Variants in ESR1 observed in about 807,000 individuals in gnomAD.
ESR1 encodes estrogen receptor 1, also known as estrogen receptor.
Under a neutral mutation model 52.7 loss-of-function variants are expected in ESR1, and 12 were observed. The observed-to-expected ratio is 0.23, with a 90% CI of 0.15 to 0.37. The LOEUF (loss-of-function observed/expected upper bound fraction) is 0.37. Among genes scored for constraint, ESR1 ranks in the 10% least tolerant of loss-of-function variants. The pLI is 1.00. For missense variants in ESR1, 584 were observed against 779.7 expected (o/e 0.75, Z 2.99); for synonymous variants, 305 against 316.8 (o/e 0.96, Z 0.39).
At chr6:151,708,407 T>C (rs765039890) in intron 2 of ESR1, among the ~76,000 whole-genome samples, 2 of 152,146 alleles carry the variant, frequency 1.3e-5, no homozygotes, top group Non-Finnish European at 2.9e-5. Context: ...TTCTTAGTAA[T>C]TGGGGGTTTT....
intron 3 of ESR1, among the ~76,000 whole-genome samples, chr6:151,912,519 G>T (rs979541996): frequency 6.6e-6 from 1 of 152,090 alleles, no homozygotes; most frequent in Non-Finnish European, 1.5e-5. Flanking sequence ...TAGCCTCAAG[G>T]TTTCTAATCC....
rs187577544 is a variant in ESR1, at chr6:151,924,682, G to A, written c.761-19491G>A. ...ATCTCTCACTTAAAAGTGAGAACAT[G>A]CAGTATTTGGTTTTCCACTCCTGCA... On this transcript the variant is annotated intron_variant, in intron 3 of 7. Transcript: ENST00000206249. Among the ~76,000 whole-genome samples the A allele has an allele frequency of 3.0e-4, 46 of 152,254 alleles. No individual in the cohort carries two copies. In the East Asian group the frequency reaches 7.5e-3, roughly 25 times the overall value.
Position 152,040,128 on chromosome 6 carries a change from G to A in ESR1, c.1236-20863G>A, listed in dbSNP as rs191167586. Among the ~76,000 whole-genome samples the A allele has an allele frequency of 2.1e-4, 32 of 152,256 alleles. No homozygotes were observed. In the East Asian group the frequency reaches 5.4e-3, roughly 26 times the overall value. ...CACCAAGTAGCTGGCTGATCACCCC[G>A]AGGAATGGTGCCATATCGCGGCCTC... On this transcript the variant is annotated intron_variant, in intron 5 of 7. Coordinates refer to ENST00000206249, the MANE Select transcript of ESR1 (RefSeq NM_000125.4).
intron 5 of ESR1, among the ~76,000 whole-genome samples, chr6:152,055,721 A>G (rs776454506): frequency 1.1e-4 from 16 of 152,308 alleles, no homozygotes; most frequent in Non-Finnish European, 1.8e-4. Flanking sequence ...ACTACACACT[A>G]TCGGTCTCAT....
chr6:152,115,122 C>T (rs1304713853), intron 6 of ESR1, among the ~76,000 whole-genome samples: 6 of 152,058 alleles, frequency 3.9e-5, no homozygotes, highest in Non-Finnish European at 7.4e-5. Flanking sequence ...AAACTTTCAC[C>T]TTGCTTCATG....
intron 2 of ESR1, among the ~76,000 whole-genome samples, chr6:151,792,417 T>G (rs1019927843): frequency 6.6e-6 from 1 of 152,182 alleles, no homozygotes; most frequent in Non-Finnish European, 1.5e-5. Context: ...ATTAGCTTAC[T>G]GTATTTTTTT....
intron 3 of ESR1, among the ~76,000 whole-genome samples, chr6:151,916,049 A>G (rs1273358784): frequency 6.6e-6 from 1 of 152,212 alleles, no homozygotes; most frequent in East Asian, 1.9e-4. Flanking sequence ...TGGTGAAATG[A>G]ACAGATGTGG....
chr6:151,759,475 C>T (rs1202400337), intron 2 of ESR1, among the ~76,000 whole-genome samples: 1 of 151,730 alleles, frequency 6.6e-6, no homozygotes, highest in African/African-American at 2.4e-5. Flanking sequence ...TGTAACTAAC[C>T]TGCACATTGT....
chr6:152,084,935 T>C (rs1357484354), intron 6 of ESR1, among the ~76,000 whole-genome samples: 2 of 152,148 alleles, frequency 1.3e-5, no homozygotes, highest in Admixed American at 6.5e-5. Flanking sequence ...ATGAAAACCA[T>C]TAACTTCACA....
At chr6:151,864,828 T>C (rs745847987) in intron 2 of ESR1, among the ~76,000 whole-genome samples, 1 of 151,832 alleles carries the variant, frequency 6.6e-6, no homozygotes, top group Non-Finnish European at 1.5e-5. Context: ...CTCAGCAAAC[T>C]ATTGCAAGGA....
At chr6:151,912,516 A>G (rs1185832112) in intron 3 of ESR1, among the ~76,000 whole-genome samples, 1 of 152,174 alleles carries the variant, frequency 6.6e-6, no homozygotes, top group Non-Finnish European at 1.5e-5. Flanking sequence ...CAATAGCCTC[A>G]AGGTTTCTAA....
At chr6:152,037,370 T>A (rs2045397986) in intron 5 of ESR1, among the ~76,000 whole-genome samples, 1 of 152,204 alleles carries the variant, frequency 6.6e-6, no homozygotes, top group Admixed American at 6.5e-5. Flanking sequence ...CTTATTTCTT[T>A]CTTGAAAATG....
chr6:151,947,653 G>T (rs1399822905), intron 4 of ESR1, among the ~76,000 whole-genome samples: 1 of 152,004 alleles, frequency 6.6e-6, no homozygotes, highest in African/African-American at 2.4e-5. Context: ...CTTATTTTTT[G>T]ACTTGATATG....
chr6:152,123,519 A>C (rs527819153), intron 6 of ESR1, among the ~76,000 whole-genome samples: 1 of 152,328 alleles, frequency 6.6e-6, no homozygotes, highest in Non-Finnish European at 1.5e-5. Context: ...CAGAACTCTT[A>C]AGAAGGACTG....
chr6:151,677,302 A>G (rs1778285919), intron 1 of ESR1, among the ~76,000 whole-genome samples: 1 of 152,212 alleles, frequency 6.6e-6, no homozygotes, highest in East Asian at 1.9e-4. Flanking sequence ...TGTTGATCAC[A>G]TTAATTTACC....
At chr6:152,055,839 G>C (rs561514243) in intron 5 of ESR1, among the ~76,000 whole-genome samples, 24 of 152,224 alleles carry the variant, frequency 1.6e-4, no homozygotes, top group African/African-American at 5.8e-4. Context: ...TTACTACCTG[G>C]CATTAGGAAG....
At chr6:151,798,204 T>C (rs1378073455) in intron 2 of ESR1, among the ~76,000 whole-genome samples, 1 of 152,132 alleles carries the variant, frequency 6.6e-6, no homozygotes, top group African/African-American at 2.4e-5. Flanking sequence ...TGTTTTTTTT[T>C]CTGCTGTGGG....
At chr6:152,019,959 G>A (rs2043489793) in intron 5 of ESR1, among the ~76,000 whole-genome samples, 1 of 152,190 alleles carries the variant, frequency 6.6e-6, no homozygotes, top group Non-Finnish European at 1.5e-5. Context: ...ACAGAAAAGA[G>A]ATGTGTAAGA....
chr6:151,958,567 T>G (rs1297142850), intron 4 of ESR1, among the ~76,000 whole-genome samples: 1 of 152,208 alleles, frequency 6.6e-6, no homozygotes, highest in Non-Finnish European at 1.5e-5. Flanking sequence ...GAATGTTCAT[T>G]GTTATCTTGT....
Sources: gnomAD v4.1 joint callset for allele counts (sites outside exome capture counted in the v4.1 genomes callset) on GRCh38, gnomAD v4.1.1 for gene constraint, MANE v1.5 for transcripts, NCBI Gene and HGNC (gene_info 2026-07-23, HGNC 2026-07-21) for gene names.